The following AFF2 variants were observed in gnomAD, a reference collection of about 807,000 sequenced individuals.
AFF2 encodes AF4/FMR2 family member 2.
AFF2 carries 14 observed loss-of-function variants against 76.9 expected under a neutral mutation model. That is an observed-to-expected ratio of 0.18 (90% CI 0.12 to 0.28). The LOEUF is 0.28. AFF2 is among the 10% of genes least tolerant of loss of function. AFF2 has a pLI of 1.00. For synonymous variants in AFF2, 398 were observed against 366.7 expected (o/e 1.09, Z -0.98); for missense variants, 868 against 1,001.1 (o/e 0.87, Z 1.79).
At chrX:148,960,512 C>T (rs1002023331) in intron 12 of AFF2, among the ~76,000 whole-genome samples, 4 of 112,395 alleles carry the variant, frequency 3.6e-5, no homozygotes, top group African/African-American at 9.7e-5. Flanking sequence ...TAGTTTCTTA[C>T]GCCCATCAAA....
At chrX:148,672,143 G>A (rs1158154713) in intron 3 of AFF2, among the ~76,000 whole-genome samples, 1 of 112,086 alleles carries the variant, frequency 8.9e-6, no homozygotes, top group Non-Finnish European at 1.9e-5. Flanking sequence ...TTAGACATAA[G>A]TCATAAATCT....
At chrX:148,913,501 C>T (rs1557282200) in intron 9 of AFF2, among the ~76,000 whole-genome samples, 2 of 111,772 alleles carry the variant, frequency 1.8e-5, no homozygotes, top group South Asian at 3.8e-4. Flanking sequence ...ATTACCATCA[C>T]TCATCTTTCC....
intron 7 of AFF2, among the ~76,000 whole-genome samples, chrX:148,863,986 G>A (rs1310334969): frequency 9.0e-6 from 1 of 111,450 alleles, no homozygotes; most frequent in Non-Finnish European, 1.9e-5. Context: ...CCCAAATTCT[G>A]ATGAAAGCCA....
intron 3 of AFF2, among the ~76,000 whole-genome samples, chrX:148,707,548 G>A (rs1418982815): frequency 2.8e-5 from 3 of 109,014 alleles, no homozygotes; most frequent in African/African-American, 1.0e-4. Flanking sequence ...TTTACATTGA[G>A]TATCTCTTAT....
At chrX:148,738,595 T>A (rs782110336) in intron 3 of AFF2, among the ~76,000 whole-genome samples, 89 of 111,318 alleles carry the variant, frequency 8.0e-4, no homozygotes, top group Non-Finnish European at 1.4e-3. Context: ...ATCTTTTGAA[T>A]TTTTTTTTGT....
chrX:148,506,119 G>A (rs2052413411), intron 1 of AFF2, among the ~76,000 whole-genome samples: 1 of 111,351 alleles, frequency 9.0e-6, no homozygotes, highest in South Asian at 3.8e-4. Flanking sequence ...GATAGGACCT[G>A]TTATGATCCC....
intron 1 of AFF2, among the ~76,000 whole-genome samples, chrX:148,562,358 G>C (rs1266743084): frequency 1.8e-5 from 2 of 111,796 alleles, no homozygotes; most frequent in African/African-American, 3.3e-5. Flanking sequence ...AAAGAATGGA[G>C]ACTCATAATC....
chrX:148,943,516 C>T (rs73614028), intron 9 of AFF2, among the ~76,000 whole-genome samples: 1,437 of 112,180 alleles, frequency 0.013, 23 homozygotes, highest in African/African-American at 0.044. Flanking sequence ...AGTCGATGGT[C>T]ACAGTAGCCT....
intron 3 of AFF2, among the ~76,000 whole-genome samples, chrX:148,670,128 A>T: frequency 8.9e-6 from 1 of 112,013 alleles, no homozygotes; most frequent in Middle Eastern, 4.6e-3. Context: ...GTTGTCTCCA[A>T]CTGAACATGT....
At chrX:148,675,591 T>G (rs1180232549) in intron 3 of AFF2, among the ~76,000 whole-genome samples, 1 of 109,346 alleles carries the variant, frequency 9.1e-6, no homozygotes, top group Non-Finnish European at 1.9e-5. Flanking sequence ...GGCCTTCCTC[T>G]GCTTGTCAGG....
At chrX:148,982,651 G>A (rs1011682881) in intron 19 of AFF2, among the ~76,000 whole-genome samples, 1 of 111,975 alleles carries the variant, frequency 8.9e-6, no homozygotes, top group Admixed American at 9.4e-5. Context: ...GCTGCCCAGA[G>A]GTGGTTAAGG....
rs2072532235 is a variant in AFF2 at position 148,991,386 on chromosome X, C to T, written c.*54C>T. ...ACCCATCACTCTACCTCTACCAGCG[C>T]ACTGATGGTCACTGGTGGAACTCCA... On this transcript the variant is annotated 3_prime_UTR_variant, in exon 21 of 21. Coordinates refer to ENST00000370460, the MANE Select transcript of AFF2 (RefSeq NM_002025.4). The T allele has an allele frequency of 7.3e-6, 8 of 1,099,398 alleles. No homozygotes were observed. The highest frequency in any genetic ancestry group is 1.8e-5 in the African/African-American group (1 of 54,355). 90.6% of individuals were successfully genotyped at this position (1,099,398 alleles called of 1,213,427 possible). A position where few individuals can be genotyped will look rare whatever the true frequency, so the allele number is the denominator to read the frequency against.
intron 4 of AFF2, among the ~76,000 whole-genome samples, chrX:148,831,141 C>T (rs1272107799): frequency 2.7e-5 from 3 of 112,131 alleles, no homozygotes; most frequent in African/African-American, 9.7e-5. Context: ...CCTTGAACAT[C>T]GCTGTTATCC....
chrX:148,708,566 C>G (rs889810655), intron 3 of AFF2, among the ~76,000 whole-genome samples: 2 of 111,876 alleles, frequency 1.8e-5, no homozygotes, highest in South Asian at 7.4e-4. Context: ...GTCAAGATTT[C>G]ATGGGTCAAC....
chrX:148,657,895 A>G (rs2054269238), intron 2 of AFF2, among the ~76,000 whole-genome samples: 1 of 112,378 alleles, frequency 8.9e-6, no homozygotes, highest in African/African-American at 3.2e-5. Context: ...TGGAGGGTGA[A>G]AAAGAACATT....
chrX:148,599,119 A>T (rs1025265111), intron 1 of AFF2, among the ~76,000 whole-genome samples: 3 of 112,075 alleles, frequency 2.7e-5, no homozygotes, highest in Admixed American at 1.9e-4. Context: ...AGGAAATGCA[A>T]TCATGTGCTT....
intron 9 of AFF2, among the ~76,000 whole-genome samples, chrX:148,935,161 CAT>C (rs782119016): frequency 0.012 from 1,321 of 108,417 alleles, 60 homozygotes; most frequent in Admixed American, 0.1. Context: ...CATTATTTTA[CAT>C]ATATATATAT....
chrX:148,708,494 C>A (rs1397350644), intron 3 of AFF2, among the ~76,000 whole-genome samples: 6 of 112,002 alleles, frequency 5.4e-5, no homozygotes, highest in African/African-American at 1.6e-4. Flanking sequence ...TTCTTCTAAT[C>A]TAAATGAAAA....
intron 1 of AFF2, among the ~76,000 whole-genome samples, chrX:148,616,563 C>G (rs374084336): frequency 3.8e-5 from 4 of 106,051 alleles, no homozygotes; most frequent in Non-Finnish European, 7.8e-5. Flanking sequence ...ACAACATTTT[C>G]TTTTTTTTTT....
Sources: allele counts gnomAD v4.1 joint callset (sites outside exome capture counted in the v4.1 genomes callset), GRCh38; gene constraint gnomAD v4.1.1; transcripts MANE v1.5; gene names NCBI Gene and HGNC (gene_info 2026-07-23, HGNC 2026-07-21).